RBFOX1: variants seen among roughly 807,000 people sequenced by gnomAD.
The protein encoded by RBFOX1 is RNA binding fox-1 homolog 1.
Under a neutral mutation model 57.7 loss-of-function variants are expected in RBFOX1, and 8 were observed. The observed-to-expected ratio is 0.14, with a 90% CI of 0.08 to 0.25. RBFOX1 has a LOEUF of 0.25. Among genes scored for constraint, RBFOX1 ranks in the 10% least tolerant of loss-of-function variants. RBFOX1 has a pLI of 1.00. For synonymous variants in RBFOX1, 326 were observed against 222.4 expected (o/e 1.47, Z -4.15); for missense variants, 611 against 548.5 (o/e 1.11, Z -1.14).
chr16:6,939,748 A>G (rs1284009341), intron 3 of RBFOX1, among the ~76,000 whole-genome samples: 2 of 152,064 alleles, frequency 1.3e-5, no homozygotes, highest in African/African-American at 2.4e-5. Flanking sequence ...CTGGCCTCAA[A>G]TGATCAGCCT....
At chr16:6,633,679 A>T (rs2098408194) in intron 2 of RBFOX1, among the ~76,000 whole-genome samples, 1 of 152,032 alleles carries the variant, frequency 6.6e-6, no homozygotes, top group Non-Finnish European at 1.5e-5. Context: ...CCAGTTACTG[A>T]TGGCTGTAAT....
chr16:7,524,918 T>C (rs1210574050), intron 5 of RBFOX1, among the ~76,000 whole-genome samples: 3 of 152,186 alleles, frequency 2.0e-5, no homozygotes, highest in Admixed American at 6.5e-5. Context: ...CTATTATTAT[T>C]ATCATCATCA....
chr16:6,062,107 T>G (rs1314518562), intron 1 of RBFOX1, among the ~76,000 whole-genome samples: 2 of 152,176 alleles, frequency 1.3e-5, no homozygotes, highest in African/African-American at 2.4e-5. Context: ...CCAAACGAGA[T>G]GCATGGGGCT....
chr16:7,340,410 A>C (rs891815809), intron 4 of RBFOX1, among the ~76,000 whole-genome samples: 4 of 152,192 alleles, frequency 2.6e-5, no homozygotes, highest in Non-Finnish European at 5.9e-5. Context: ...TGGCTTCTCC[A>C]TTCATGATCA....
intron 3 of RBFOX1, among the ~76,000 whole-genome samples, chr16:5,707,898 T>G (rs2151497156): frequency 6.6e-6 from 1 of 152,326 alleles, no homozygotes; most frequent in African/African-American, 2.4e-5. Flanking sequence ...AGCTCTGTAC[T>G]TAATACTATT....
chr16:5,545,891 T>G (rs1273176814), intron 2 of RBFOX1, among the ~76,000 whole-genome samples: 1 of 152,164 alleles, frequency 6.6e-6, no homozygotes, highest in Non-Finnish European at 1.5e-5. Flanking sequence ...AGATGTGTCT[T>G]TATTTACAGA....
intron 4 of RBFOX1, among the ~76,000 whole-genome samples, chr16:7,427,996 A>G (rs894864359): frequency 1.4e-4 from 22 of 152,244 alleles, no homozygotes; most frequent in African/African-American, 5.1e-4. Context: ...ATCTTTTTAC[A>G]TTCCAAGAAT....
chr16:5,477,626 A>C (rs551792227), intron 2 of RBFOX1, among the ~76,000 whole-genome samples: 3 of 152,150 alleles, frequency 2.0e-5, no homozygotes, highest in Non-Finnish European at 4.4e-5. Context: ...TTTGATCCAT[A>C]GTCAGTATCT....
rs1596366746 is a variant in RBFOX1, at chr16:5,591,963, AC to A, written c.259-6938del. 5.9e-5 allele frequency among the ~76,000 whole-genome samples: 9 copies of A among 152,374 alleles called. 1 individual carries two copies. The highest frequency in any genetic ancestry group is 3.9e-4 in the Admixed American group (6 of 15,308). ...TATAATTTCACTGTGTATAAAGAAT[AC>A]TTGTTGCCCTAGAGTCTTATAATTT... On this transcript the variant is annotated intron_variant, in intron 2 of 2. Coordinates refer to the RBFOX1 transcript ENST00000585867.
chr16:6,024,277 T>C (rs2095142866), intron 1 of RBFOX1, among the ~76,000 whole-genome samples: 1 of 152,186 alleles, frequency 6.6e-6, no homozygotes, highest in Admixed American at 6.5e-5. Flanking sequence ...CTTTCCTTTC[T>C]TGTAGCTTAT....
intron 4 of RBFOX1, among the ~76,000 whole-genome samples, chr16:7,278,190 A>C (rs1432265832): frequency 3.3e-5 from 5 of 152,204 alleles, no homozygotes; most frequent in Non-Finnish European, 7.4e-5. Flanking sequence ...TGATATGGTT[A>C]TACTTGGTGT....
intron 4 of RBFOX1, among the ~76,000 whole-genome samples, chr16:7,162,623 G>T (rs1004521948): frequency 3.3e-5 from 5 of 151,898 alleles, no homozygotes; most frequent in South Asian, 2.1e-4. Flanking sequence ...CAGCTACTGG[G>T]GAGGCTGAGG....
intron 2 of RBFOX1, among the ~76,000 whole-genome samples, chr16:6,356,711 C>T (rs2087391206): frequency 6.6e-6 from 1 of 152,102 alleles, no homozygotes; most frequent in African/African-American, 2.4e-5. Flanking sequence ...AATCCTGGAA[C>T]AGGAAAAGGA....
In RBFOX1 at chr16:6,724,203, C is replaced by T. The variant is rs77135289; in HGVS notation, c.-16+69553C>T. 2.0e-3 allele frequency among the ~76,000 whole-genome samples: 280 copies of T among 143,138 alleles called. 6 individuals are homozygous for T. In the East Asian group the frequency reaches 0.032, roughly 16 times the overall value. The allele number at this position is 143,138 out of a possible 152,430, so 93.9% of individuals were successfully genotyped here. A position where few individuals can be genotyped will look rare whatever the true frequency, so the allele number is the denominator to read the frequency against. On this transcript the variant is annotated intron_variant, in intron 3 of 15. Transcript: ENST00000550418. ...TGATATGAGGACGGCGAGAAGGCAT[C>T]TTCCATTTTTTTTTTTTTTTTTTGA...
At chr16:6,051,529 A>T (rs1002559179) in intron 1 of RBFOX1, among the ~76,000 whole-genome samples, 1 of 151,974 alleles carries the variant, frequency 6.6e-6, no homozygotes, top group Non-Finnish European at 1.5e-5. Context: ...GGGTTTCGCC[A>T]TGTTGGCCAG....
intron 4 of RBFOX1, among the ~76,000 whole-genome samples, chr16:7,437,523 C>G (rs990145716): frequency 6.6e-6 from 1 of 152,156 alleles, no homozygotes; most frequent in Non-Finnish European, 1.5e-5. Context: ...CTGCAGAGTA[C>G]CATTTCCATA....
At chr16:5,437,116 T>C (rs1401197688) in intron 1 of RBFOX1, among the ~76,000 whole-genome samples, 1 of 152,168 alleles carries the variant, frequency 6.6e-6, no homozygotes, top group African/African-American at 2.4e-5. Flanking sequence ...TTGTGAACTT[T>C]TATAAATTGT....
chr16:6,646,549 C>A (rs1037418519), intron 2 of RBFOX1, among the ~76,000 whole-genome samples: 1 of 152,046 alleles, frequency 6.6e-6, no homozygotes, highest in Non-Finnish European at 1.5e-5. Flanking sequence ...TGATTAACAC[C>A]TGCCACTTCT....
intron 4 of RBFOX1, among the ~76,000 whole-genome samples, chr16:5,939,853 C>G (rs972445926): frequency 1.1e-4 from 16 of 152,110 alleles, no homozygotes; most frequent in Non-Finnish European, 2.4e-4. Context: ...TCTATTGAGG[C>G]ACAGTTGCAG....
Sources: allele counts gnomAD v4.1 joint callset (sites outside exome capture counted in the v4.1 genomes callset), GRCh38; gene constraint gnomAD v4.1.1; transcripts MANE v1.5; gene names NCBI Gene and HGNC (gene_info 2026-07-23, HGNC 2026-07-21).